PHTF1: variants seen among roughly 807,000 people sequenced by gnomAD.
The protein encoded by PHTF1 is protein PHTF1.
A neutral mutation model predicts 102.4 loss-of-function variants in PHTF1; 88 were observed. The ratio of observed to expected loss-of-function variants is 0.86; its 90% CI spans 0.72 to 1.03. The LOEUF is 1.03. PHTF1 is among the 50% of genes least tolerant of loss of function. The pLI, the probability that PHTF1 is intolerant of heterozygous loss-of-function variation, is 0.00. For missense variants in PHTF1, 814 were observed against 909.5 expected (o/e 0.89, Z 1.35); for synonymous variants, 289 against 305.2 (o/e 0.95, Z 0.55).
intron 7 of PHTF1, chr1:113,714,700 C>T (rs552571444): frequency 2.0e-5 from 3 of 152,372 alleles, no homozygotes; most frequent in Admixed American, 1.3e-4. Context: ...GGGTAACTGG[C>T]TGCCCTAAAA....
chr1:113,726,468 C>G lies in PHTF1; in HGVS notation c.438G>C (p.Val146=). The stretch of plus-strand genomic sequence containing the variant: ...CTGATGGTCTTGTTATCTGAGTAGA[C>G]ACAATTTGACAGTGGACAGTTCCCA... ...LLMGTVHCQI[V]STQITRPSGN... The change falls in exon 6 of 19, where the codon GTG becomes GTC. Residue 146 remains valine (V), a synonymous_variant. Transcript: ENST00000369604. 6.2e-7 allele frequency: 1 copy of G among 1,611,264 alleles called. No homozygotes were observed. Among genetic ancestry groups the G allele is most frequent in the Non-Finnish European group, 8.5e-7 (1 of 1,178,664 alleles).
intron 5 of PHTF1, among the ~76,000 whole-genome samples, chr1:113,727,199 T>G (rs2101467734): frequency 6.6e-6 from 1 of 152,326 alleles, no homozygotes; most frequent in Non-Finnish European, 1.5e-5. Flanking sequence ...ACTATTCCTG[T>G]GCGGAGAAAA....
chr1:113,701,007 ACT>A, intron 15 of PHTF1, 58 bp from the exon 16 acceptor site: 1 of 1,213,896 alleles, frequency 8.2e-7, no homozygotes, highest in Middle Eastern at 2.4e-4. Context: ...TCATGTAATT[ACT>A]CTTTTACTCT....
At position 113,726,575 on chromosome 1, in the gene PHTF1, C is replaced by A. The variant is rs1308994519; in HGVS notation, c.332-1G>T. 1 of 1,557,534 alleles carries A rather than the reference C, an allele frequency of 6.4e-7. No homozygotes were observed. The highest frequency in any genetic ancestry group is 8.7e-7 in the Non-Finnish European group (1 of 1,151,480). ...ATCAAATATAAGACAATTGCTATAA[C>A]TGAAAAGAAGAGGTTTTAAGATGTA... is the stretch of plus-strand genomic sequence containing the variant. On this transcript the variant is annotated splice_acceptor_variant, in intron 5 of 18. Coordinates refer to ENST00000369604, the MANE Select transcript of PHTF1 (RefSeq NM_001323043.2). LOFTEE classifies it high-confidence loss of function.
chr1:113,714,012 C>A (rs1660008726), intron 7 of PHTF1: 2 of 152,828 alleles, frequency 1.3e-5, no homozygotes, highest in Admixed American at 1.3e-4. Flanking sequence ...CATTTCTAGA[C>A]ACACCTTGGA....
rs1181670109 is a variant in PHTF1, at chr1:113,704,157, G to T, written c.1814C>A (p.Pro605Gln). Residue 605 changes from proline to glutamine, a missense_variant, in exon 15 of 19, where the codon CCA becomes CAA. Transcript: ENST00000369604. ...TACAACCACATCAACTGAACGCTGT[G>T]GCCCCCGTCTCTGTGGAGTGAGACA... Reference protein sequence around the residue: ...SLRSYLKRRGPQRSVDVVVSS... With the variant: ...SLRSYLKRRGQQRSVDVVVSS... The T allele has an allele frequency of 6.2e-7, 1 of 1,611,424 alleles. No homozygotes were observed. The highest frequency in any genetic ancestry group is 8.5e-7 in the Non-Finnish European group (1 of 1,178,126).
chr1:113,724,839 G>C lies in PHTF1; in HGVS notation c.543C>G (p.Ser181=). The part of the protein sequence containing the change: ...GDGSRENGNN[S]SDKVRGIETL... ...TTTCTATTCCTCTGACTTTATCAGA[G>C]GAGTTATTTCCATTTTCTCGGCTCC... The change falls in exon 7 of 19, where the codon TCC becomes TCG. Residue 181 remains serine (S), a synonymous_variant. Transcript: ENST00000369604. 1 of 1,610,162 alleles carries C rather than the reference G, an allele frequency of 6.2e-7. No individual in the cohort carries two copies. Among genetic ancestry groups the C allele is most frequent in the African/African-American group, 1.3e-5 (1 of 74,832 alleles).
intron 3 of PHTF1, among the ~76,000 whole-genome samples, chr1:113,752,625 C>T (rs2101707787): frequency 6.6e-6 from 1 of 152,162 alleles, no homozygotes; most frequent in South Asian, 2.1e-4. Context: ...ACCTCGTGAT[C>T]CACCCGCCTT....
At position 113,721,473 on chromosome 1, in the gene PHTF1, C is replaced by T. The variant is rs200949564; in HGVS notation, c.623+3286G>A. ...ATGACAAAGATGCCCACTTTCATCA[C>T]TGTTATTCAACATAGTACTAGAAGT... On this transcript the variant is annotated intron_variant, in intron 7 of 18. Transcript: ENST00000369604. 5.9e-5 allele frequency among the ~76,000 whole-genome samples: 9 copies of T among 152,274 alleles called. No individual in the cohort carries two copies. The East Asian group carries it at 1.2e-3, about 20-fold the overall frequency.
chr1:113,758,868 C>CAACA, intron 1 of PHTF1, 135 bp from the exon 2 acceptor site: 5 of 1,286,888 alleles, frequency 3.9e-6, no homozygotes, highest in Non-Finnish European at 5.0e-6. Context: ...AGGGAAAACA[C>CAACA]AACAAACAAA....
At chr1:113,743,308 G>A (rs1656710188) in intron 3 of PHTF1, among the ~76,000 whole-genome samples, 2 of 151,654 alleles carry the variant, frequency 1.3e-5, no homozygotes, top group Non-Finnish European at 2.9e-5. Flanking sequence ...ATAGGGTCAG[G>A]ATCATCAATA....
intron 7 of PHTF1, chr1:113,714,026 AAATG>A (rs1651581899): frequency 6.6e-6 from 1 of 152,662 alleles, no homozygotes; most frequent in South Asian, 2.1e-4. Flanking sequence ...CCTTGGACCA[AAATG>A]CAACCAGCAC....
At chr1:113,706,496 CAG>C (rs1650202220) in intron 12 of PHTF1, 96 bp downstream of exon 12, 12 of 844,386 alleles carry the variant, frequency 1.4e-5, no homozygotes, top group African/African-American at 1.7e-5. Context: ...GCTTCAAAAG[CAG>C]AGTCATACTG....
At chr1:113,705,641 C>T (rs1430464399) in intron 13 of PHTF1, 5 of 377,548 alleles carry the variant, frequency 1.3e-5, no homozygotes, top group Non-Finnish European at 2.0e-5. Flanking sequence ...GCTAAGCAGT[C>T]GGCTAGGCTC....
intron 3 of PHTF1, among the ~76,000 whole-genome samples, chr1:113,740,747 TG>T (rs1468588422): frequency 6.6e-6 from 1 of 152,124 alleles, no homozygotes; most frequent in East Asian, 1.9e-4. Context: ...TGAGAAATAG[TG>T]GCCAGGTGCA....
chr1:113,757,279 G>C (rs1046751471), intron 3 of PHTF1, among the ~76,000 whole-genome samples: 1 of 152,172 alleles, frequency 6.6e-6, no homozygotes, highest in Non-Finnish European at 1.5e-5. Flanking sequence ...TATTTGGCTT[G>C]CAAAGGAGGA....
At chr1:113,707,665 GA>G (rs1650420044) in intron 11 of PHTF1, among the ~76,000 whole-genome samples, 1 of 152,156 alleles carries the variant, frequency 6.6e-6, no homozygotes, top group Non-Finnish European at 1.5e-5. Context: ...TCACTGACTT[GA>G]TTGATTCACT....
rs34844793 is a variant in PHTF1 at position 113,701,826 on chromosome 1, T to TAAAAAAAAA, written c.1891-886_1891-878dup. Among the ~76,000 whole-genome samples the TAAAAAAAAA allele has an allele frequency of 8.9e-4, 25 of 27,998 alleles. 4 individuals are homozygous for TAAAAAAAAA. Among genetic ancestry groups the TAAAAAAAAA allele is most frequent in the African/African-American group, 2.3e-3 (16 of 6,868 alleles). 18.4% of individuals were successfully genotyped at this position (27,998 alleles called of 152,430 possible). A position where few individuals can be genotyped will look rare whatever the true frequency, so the allele number is the denominator to read the frequency against. On this transcript the variant is annotated intron_variant, in intron 15 of 18. Coordinates refer to ENST00000369604, the MANE Select transcript of PHTF1 (RefSeq NM_001323043.2). ...TGGCAACCTGGAATTCAATTCCTGGTAAAAAAAAAAAAAAAAAAAAAAAAA... is the reference window on the plus strand; with the variant it reads ...TGGCAACCTGGAATTCAATTCCTGGTAAAAAAAAAAAAAAAAAAAAAAAAAAAAAAAAAA...
At chr1:113,712,265 C>G in intron 8 of PHTF1, 152 bp from the exon 9 acceptor site, 1 of 601,428 alleles carries the variant, frequency 1.7e-6, no homozygotes, top group Non-Finnish European at 2.9e-6. Flanking sequence ...TACTTAATCT[C>G]AATTAAGAAA....
Sources: allele counts gnomAD v4.1 joint callset (sites outside exome capture counted in the v4.1 genomes callset), GRCh38; gene constraint gnomAD v4.1.1; transcripts MANE v1.5; gene names NCBI Gene and HGNC (gene_info 2026-07-23, HGNC 2026-07-21).